RAB7B: variants seen among roughly 807,000 people sequenced by gnomAD.
The protein encoded by RAB7B is ras-related protein Rab-7b.
chr1:206,001,060 A>G (rs1660882572), intron 1 of RAB7B, among the ~76,000 whole-genome samples: 1 of 152,128 alleles, frequency 6.6e-6, no homozygotes, highest in Non-Finnish European at 1.5e-5. Context: ...CTATCCTAGA[A>G]GGGCAGGAGT....
intron 1 of RAB7B, among the ~76,000 whole-genome samples, chr1:205,998,059 A>G (rs964678137): frequency 1.7e-4 from 26 of 152,340 alleles, no homozygotes; most frequent in African/African-American, 6.0e-4. Context: ...GTTTGAATCA[A>G]AGGCTGAGAA....
chr1:206,001,622 T>C (rs1447058725), intron 1 of RAB7B, among the ~76,000 whole-genome samples: 2 of 152,172 alleles, frequency 1.3e-5, no homozygotes, highest in Non-Finnish European at 1.5e-5. Flanking sequence ...AGGATTGAAA[T>C]GCAGGACTCT....
chr1:205,990,523 T>A (rs1207875527), intron 4 of RAB7B, among the ~76,000 whole-genome samples: 3 of 152,012 alleles, frequency 2.0e-5, no homozygotes, highest in Non-Finnish European at 4.4e-5. Flanking sequence ...GAAGGACATG[T>A]GGATTCAACA....
intron 1 of RAB7B, among the ~76,000 whole-genome samples, 171 bp downstream of exon 1, chr1:206,003,082 T>C (rs967688290): frequency 6.6e-6 from 1 of 152,232 alleles, no homozygotes; most frequent in Non-Finnish European, 1.5e-5. Context: ...TGCCACACCC[T>C]GGGAGCTTCT....
intron 4 of RAB7B, among the ~76,000 whole-genome samples, chr1:205,992,155 C>T (rs2102639896): frequency 6.6e-6 from 1 of 152,308 alleles, no homozygotes; most frequent in Admixed American, 6.5e-5. Flanking sequence ...TAGTTCTCAG[C>T]TTATATCATG....
chr1:206,000,621 C>T (rs966724836), intron 1 of RAB7B, among the ~76,000 whole-genome samples: 1 of 152,206 alleles, frequency 6.6e-6, no homozygotes, highest in Non-Finnish European at 1.5e-5. Context: ...CAGCACTGGT[C>T]CCCAAGTTGG....
chr1:205,981,122 G>A (rs972133415), intron 5 of RAB7B, among the ~76,000 whole-genome samples: 2 of 151,916 alleles, frequency 1.3e-5, no homozygotes, highest in Non-Finnish European at 2.9e-5. Flanking sequence ...TGGAACTCAT[G>A]GGCTCAAACA....
intron 1 of RAB7B, among the ~76,000 whole-genome samples, chr1:205,999,225 G>A (rs1660854251): frequency 6.6e-6 from 1 of 152,160 alleles, no homozygotes; most frequent in Non-Finnish European, 1.5e-5. Context: ...GAAGGTAGAA[G>A]GTGTGTGTGA....
At chr1:205,982,728 T>C (rs1024171751) in intron 5 of RAB7B, among the ~76,000 whole-genome samples, 1 of 152,048 alleles carries the variant, frequency 6.6e-6, no homozygotes, top group Non-Finnish European at 1.5e-5. Context: ...GGGGGCTCAC[T>C]CCTTATTATA....
At chr1:205,989,610 C>T (rs1056025900) in intron 4 of RAB7B, among the ~76,000 whole-genome samples, 2 of 152,254 alleles carry the variant, frequency 1.3e-5, no homozygotes, top group South Asian at 4.2e-4. Flanking sequence ...GCCCCGATCT[C>T]CTTTCCCTCA....
intron 1 of RAB7B, among the ~76,000 whole-genome samples, chr1:205,999,789 A>AC (rs1290492245): frequency 6.6e-6 from 1 of 152,202 alleles, no homozygotes; most frequent in African/African-American, 2.4e-5. Context: ...CTATTTAGAG[A>AC]CAGGGCCTCA....
At chr1:205,986,038 T>A (rs1660599386) in intron 4 of RAB7B, among the ~76,000 whole-genome samples, 1 of 152,260 alleles carries the variant, frequency 6.6e-6, no homozygotes, top group Non-Finnish European at 1.5e-5. Context: ...TTTGTTGCCT[T>A]CCTAAGGCCT....
intron 1 of RAB7B, among the ~76,000 whole-genome samples, chr1:205,995,226 G>T (rs1028466595): frequency 2.0e-5 from 3 of 151,946 alleles, no homozygotes; most frequent in African/African-American, 7.3e-5. Flanking sequence ...CCTGCATGTT[G>T]TGCACATGTA....
At chr1:205,994,288 G>A (rs996584127) in intron 1 of RAB7B, 137 bp from the exon 2 acceptor site, 3 of 391,838 alleles carry the variant, frequency 7.7e-6, no homozygotes, top group African/African-American at 6.2e-5. Context: ...TTCTCCGAAG[G>A]AGGCACGTAA....
intron 4 of RAB7B, among the ~76,000 whole-genome samples, chr1:205,985,939 C>T (rs939336533): frequency 8.0e-5 from 12 of 150,618 alleles, no homozygotes; most frequent in African/African-American, 2.2e-4. Context: ...GATGAAAAAA[C>T]GGAGGCCTGG....
At chr1:205,981,246 C>G (rs1458460349) in intron 5 of RAB7B, among the ~76,000 whole-genome samples, 2 of 152,178 alleles carry the variant, frequency 1.3e-5, no homozygotes, top group Non-Finnish European at 2.9e-5. Flanking sequence ...CCCATATCTT[C>G]CAAAGCTGGT....
chr1:205,991,656 A>G (rs896474522), intron 4 of RAB7B, among the ~76,000 whole-genome samples: 3 of 152,114 alleles, frequency 2.0e-5, no homozygotes, highest in Admixed American at 6.5e-5. Flanking sequence ...CCTCATTTCC[A>G]TTGCTTTTCT....
chr1:205,982,334 TC>T (rs1289357859), intron 5 of RAB7B, among the ~76,000 whole-genome samples: 2 of 152,168 alleles, frequency 1.3e-5, no homozygotes, highest in African/African-American at 2.4e-5. Flanking sequence ...CATCATCAGC[TC>T]CTGATGTTTC....
intron 4 of RAB7B, among the ~76,000 whole-genome samples, chr1:205,991,596 C>T (rs1660722282): frequency 6.6e-6 from 1 of 152,136 alleles, no homozygotes; most frequent in Non-Finnish European, 1.5e-5. Flanking sequence ...AAGCACCATC[C>T]CTCTCTCCCT....
Sources: gnomAD v4.1 joint callset for allele counts (sites outside exome capture counted in the v4.1 genomes callset) on GRCh38, gnomAD v4.1.1 for gene constraint, MANE v1.5 for transcripts, NCBI Gene and HGNC (gene_info 2026-07-23, HGNC 2026-07-21) for gene names.